The following SYTL2 variants were observed in gnomAD, a reference collection of about 807,000 sequenced individuals.
SYTL2 encodes the protein synaptotagmin-like protein 2.
SYTL2 carries 165 observed loss-of-function variants against 198.7 expected under a neutral mutation model. The ratio of observed to expected loss-of-function variants is 0.83; its 90% CI spans 0.73 to 0.94. The LOEUF (loss-of-function observed/expected upper bound fraction) is 0.94. SYTL2 is among the 40% of genes least tolerant of loss of function. SYTL2 has a pLI of 0.00. For synonymous variants in SYTL2, 966 were observed against 917.7 expected (o/e 1.05, Z -0.95); for missense variants, 2,835 against 2,582.8 (o/e 1.10, Z -2.12).
At chr11:85,809,943 T>C (rs78679717) in intron 1 of SYTL2, among the ~76,000 whole-genome samples, 3,226 of 152,304 alleles carry the variant, frequency 0.021, 64 homozygotes, top group Admixed American at 0.039. Context: ...TCAGCTCCTT[T>C]CAATCATCCT....
intron 1 of SYTL2, among the ~76,000 whole-genome samples, chr11:85,806,791 G>A (rs1166475964): frequency 6.6e-6 from 1 of 152,164 alleles, no homozygotes; most frequent in Admixed American, 6.5e-5. Flanking sequence ...AAACAACCCA[G>A]AATCAGACTT....
chr11:85,804,681 G>A (rs2092934527), intron 1 of SYTL2, among the ~76,000 whole-genome samples: 2 of 152,118 alleles, frequency 1.3e-5, no homozygotes, highest in Admixed American at 6.5e-5. Flanking sequence ...CTGTTTTTCA[G>A]TCTGAAGCAA....
At chr11:85,751,939 C>T (rs2091536986) in intron 2 of SYTL2, among the ~76,000 whole-genome samples, 1 of 152,202 alleles carries the variant, frequency 6.6e-6, no homozygotes, top group African/African-American at 2.4e-5. Context: ...CTATCTACAG[C>T]CCTAACTGTC....
chr11:85,700,321 CTTT>C (rs10607209), intron 17 of SYTL2, among the ~76,000 whole-genome samples, 191 bp downstream of exon 17: 73 of 137,780 alleles, frequency 5.3e-4, no homozygotes, highest in Admixed American at 6.5e-4. Context: ...TTTATGTTTT[CTTT>C]TTTTTTTTTT....
chr11:85,700,859 T>G (rs1453216702), intron 16 of SYTL2, among the ~76,000 whole-genome samples: 1 of 152,214 alleles, frequency 6.6e-6, no homozygotes, highest in Non-Finnish European at 1.5e-5. Context: ...GAAACCAGAA[T>G]GGCTTTCTTG....
chr11:85,752,630 G>A (rs2091579637), intron 2 of SYTL2, among the ~76,000 whole-genome samples: 1 of 152,006 alleles, frequency 6.6e-6, no homozygotes, highest in African/African-American at 2.4e-5. Flanking sequence ...ATGACACATC[G>A]TAGATCTCTG....
At position 85,725,592 on chromosome 11, in the gene SYTL2, T is replaced by C; in HGVS notation, c.3766A>G (p.Ser1256Gly). 1 of 1,614,132 alleles carries C rather than the reference T, an allele frequency of 6.2e-7. No individual in the cohort carries two copies. Among genetic ancestry groups the C allele is most frequent in the Non-Finnish European group, 8.5e-7 (1 of 1,179,998 alleles). ...CTCTTATCAGCTGAAGTATTGTGAC[T>C]CTGTTCTATCCCTTTTCCAAAAAAT... ...GRFFGKGIEQ[S>G]HNTSADKREI... Residue 1256 changes from serine to glycine, a missense_variant, in exon 8 of 20, where the codon AGT becomes GGT. Physicochemically the swap from Ser to Gly is moderately conservative, Grantham distance 56. Coordinates refer to ENST00000359152, the MANE Select transcript of SYTL2 (RefSeq NM_206927.4).
chr11:85,852,040 A>G, the SYTL2 span, among the ~76,000 whole-genome samples: 2 of 152,204 alleles, frequency 1.3e-5, no homozygotes, highest in South Asian at 2.1e-4. Flanking sequence ...ATCTCTAACA[A>G]TGATTAATTT....
intron 2 of SYTL2, 52 bp downstream of exon 2, chr11:85,757,573 G>T: frequency 6.3e-7 from 1 of 1,594,880 alleles, no homozygotes. Flanking sequence ...TCCTATTTTC[G>T]TACAGACTGC....
intron 1 of SYTL2, among the ~76,000 whole-genome samples, chr11:85,800,279 T>A (rs1287610269): frequency 6.6e-6 from 1 of 152,080 alleles, no homozygotes; most frequent in South Asian, 2.1e-4. Context: ...AAAACCCCAA[T>A]GTAGGATGTC....
the SYTL2 span, among the ~76,000 whole-genome samples, chr11:85,828,948 T>C: frequency 6.6e-6 from 1 of 152,134 alleles, no homozygotes; most frequent in Non-Finnish European, 1.5e-5. Flanking sequence ...TCTCAAACTA[T>C]ACTTCTTGAA....
At chr11:85,705,355 G>T in intron 15 of SYTL2, 1 of 184,636 alleles carries the variant, frequency 5.4e-6, no homozygotes, top group Non-Finnish European at 1.1e-5. Flanking sequence ...ACAAAATTGA[G>T]TCTAAAATAC....
At chr11:85,772,276 G>A (rs290189) in intron 1 of SYTL2, among the ~76,000 whole-genome samples, 1,759 of 152,330 alleles carry the variant, frequency 0.012, 105 homozygotes, top group Admixed American at 0.1. Context: ...GTACAGTCTA[G>A]AAGAAATGAA....
At chr11:85,834,078 C>T in the SYTL2 span, among the ~76,000 whole-genome samples, 1 of 151,966 alleles carries the variant, frequency 6.6e-6, no homozygotes, top group African/African-American at 2.4e-5. Context: ...TTTCAATGAA[C>T]ATGAACTTGC....
At chr11:85,755,328 A>C (rs941701892) in intron 2 of SYTL2, among the ~76,000 whole-genome samples, 1 of 152,164 alleles carries the variant, frequency 6.6e-6, no homozygotes, top group African/African-American at 2.4e-5. Context: ...GAAACTGTCC[A>C]TGGCCAAGTC....
intron 14 of SYTL2, 108 bp from the exon 15 acceptor site, chr11:85,707,639 A>T: frequency 1.4e-6 from 1 of 735,868 alleles, no homozygotes; most frequent in South Asian, 1.7e-5. Context: ...TTATTTCATG[A>T]CACTGAGAAA....
chr11:85,852,677 T>G, the SYTL2 span: 1 of 201,650 alleles, frequency 5.0e-6, no homozygotes, highest in Admixed American at 6.1e-5. Context: ...CACTCAGTGC[T>G]CAATGTTGCC....
At chr11:85,704,800 T>C (rs2084868848) in intron 16 of SYTL2, 58 bp downstream of exon 16, 1 of 1,434,956 alleles carries the variant, frequency 7.0e-7, no homozygotes, top group Non-Finnish European at 9.6e-7. Flanking sequence ...AGCTTTTTCC[T>C]ATACACTAGG....
In SYTL2 at chr11:85,734,553, T is replaced by G. The variant is rs761939684; in HGVS notation, c.776A>C (p.Gln259Pro). ...NKDDNQSFPR[Q>P]RTDSLKARGA... is the part of the protein sequence containing the mutation. ...TCTCGCTTTCAGGGAGTCTGTCCTT[T>G]GTCTAGGAAAAGACTGGTTATCATC... The change falls in exon 7 of 20, where the codon CAA becomes CCA. Residue 259 changes from glutamine (Q) to proline (P), a missense_variant. Coordinates refer to ENST00000359152, the MANE Select transcript of SYTL2 (RefSeq NM_206927.4). 1.9e-6 allele frequency: 3 copies of G among 1,614,118 alleles called. No homozygotes were observed. Among genetic ancestry groups the G allele is most frequent in the African/African-American group, 2.7e-5 (2 of 74,944 alleles).
Sources: allele counts gnomAD v4.1 joint callset (sites outside exome capture counted in the v4.1 genomes callset), GRCh38; gene constraint gnomAD v4.1.1; transcripts MANE v1.5; gene names NCBI Gene and HGNC (gene_info 2026-07-23, HGNC 2026-07-21).